Variants in ELMO1 observed in about 807,000 individuals in gnomAD.
ELMO1 encodes engulfment and cell motility 1, also known as engulfment and cell motility protein 1.
In ELMO1, 26 loss-of-function variants were observed where a neutral mutation model predicts 98.9. The ratio of observed to expected loss-of-function variants is 0.26; its 90% CI spans 0.19 to 0.36. The LOEUF is 0.36. Ranked by LOEUF, ELMO1 falls within the 10% of genes least tolerant of loss-of-function variation. The probability of loss-of-function intolerance (pLI) is 1.00; values close to 1 mark genes in which losing one functional copy is unlikely to be tolerated. For missense variants in ELMO1, 627 were observed against 935.2 expected, an observed-to-expected ratio of 0.67 and a Z score of 4.30; for synonymous variants, 346 against 346.0, an observed-to-expected ratio of 1.00 and a Z score of 0.00.
chr7:37,276,636 T>G (rs1796851812), intron 4 of ELMO1, among the ~76,000 whole-genome samples: 1 of 152,046 alleles, frequency 6.6e-6, no homozygotes, highest in African/African-American at 2.4e-5. Flanking sequence ...ATAAAACACA[T>G]AAAAAGCACA....
At chr7:37,360,129 G>A (rs1801645136) in intron 1 of ELMO1, among the ~76,000 whole-genome samples, 1 of 152,122 alleles carries the variant, frequency 6.6e-6, no homozygotes, top group Non-Finnish European at 1.5e-5. Context: ...TGTGTGAGTT[G>A]AATATACTCT....
chr7:37,310,872 A>C (rs917722357), intron 4 of ELMO1, among the ~76,000 whole-genome samples: 1 of 152,192 alleles, frequency 6.6e-6, no homozygotes, highest in African/African-American at 2.4e-5. Context: ...TAAAATGAAG[A>C]CACCAATACC....
chr7:36,984,852 T>C (rs1259738478), intron 16 of ELMO1: 3 of 948,550 alleles, frequency 3.2e-6, no homozygotes, highest in Non-Finnish European at 3.8e-6. Flanking sequence ...GAAAAGATCT[T>C]AGGCAGAGAT....
chr7:37,100,306 T>A lies in ELMO1; in HGVS notation c.1192-3579A>T, dbSNP rs116237085. Among the ~76,000 whole-genome samples, 740 of 152,324 alleles carry A rather than the reference T, an allele frequency of 4.9e-3. 1 individual carries two copies. Among genetic ancestry groups the A allele is most frequent in the African/African-American group, 0.017 (707 of 41,578 alleles). The stretch of plus-strand genomic sequence containing the variant: ...GAAGATGACAATTCCTCATGGTGAG[T>A]GACCAAAGCTGCTGCAGTGTCCCCA... On this transcript the variant is annotated intron_variant, in intron 14 of 21. Coordinates refer to ENST00000310758, the MANE Select transcript of ELMO1 (RefSeq NM_014800.11).
Position 37,259,280 on chromosome 7 carries a change from T to C in ELMO1, c.314A>G (p.Lys105Arg), listed in dbSNP as rs756664773. Residue 105 changes from lysine to arginine, a missense_variant, in exon 6 of 22, where the codon AAG becomes AGG. Coordinates refer to ENST00000310758, the MANE Select transcript of ELMO1 (RefSeq NM_014800.11). ...ATCCCGGGAGAGGCTGGCCAAGTCC[T>C]TCAGGGCTTCCAGCTTGGCATCCAT... Reference protein sequence around the residue: ...SSMDAKLEALKDLASLSRDVT... With the variant: ...SSMDAKLEALRDLASLSRDVT... 1 of 1,614,158 alleles carries C rather than the reference T, an allele frequency of 6.2e-7. No individual in the cohort carries two copies. The highest frequency in any genetic ancestry group is 8.5e-7 in the Non-Finnish European group (1 of 1,180,018).
chr7:36,981,960 C>T (rs1584474046), intron 16 of ELMO1, among the ~76,000 whole-genome samples: 1 of 152,258 alleles, frequency 6.6e-6, no homozygotes, highest in African/African-American at 2.4e-5. Context: ...AAGTTACTGG[C>T]CTAGTGTGCA....
chr7:36,864,766 T>C (rs79165160), intron 20 of ELMO1, among the ~76,000 whole-genome samples: 5,934 of 152,310 alleles, frequency 0.039, 278 homozygotes, highest in East Asian at 0.24. Flanking sequence ...ACATCGAATG[T>C]TCAGGGGCTT....
chr7:36,981,853 A>G (rs996023912), intron 16 of ELMO1, among the ~76,000 whole-genome samples: 2 of 152,254 alleles, frequency 1.3e-5, no homozygotes. Flanking sequence ...GTTTGTGAAT[A>G]CTAACATTCT....
chr7:37,161,936 G>T (rs867626177), intron 13 of ELMO1, among the ~76,000 whole-genome samples: 7 of 32,210 alleles, frequency 2.2e-4, no homozygotes, highest in South Asian at 1.2e-3. Flanking sequence ...ATATATATAT[G>T]TTAAGCGTGA....
chr7:36,903,737 A>G (rs1252793378), intron 16 of ELMO1, among the ~76,000 whole-genome samples: 2 of 152,224 alleles, frequency 1.3e-5, no homozygotes, highest in African/African-American at 2.4e-5. Context: ...AGTTCCAGCG[A>G]AAAGGGAGAA....
At position 36,949,477 on chromosome 7, in the gene ELMO1, G is replaced by T. The variant is rs541149018; in HGVS notation, c.1438-54460C>A. 1.3e-5 allele frequency among the ~76,000 whole-genome samples: 2 copies of T among 151,848 alleles called. 1 individual carries two copies. Among genetic ancestry groups the T allele is most frequent in the South Asian group, 4.2e-4 (2 of 4,778 alleles). On this transcript the variant is annotated intron_variant, in intron 16 of 21. Transcript: ENST00000310758. ...AATGTGCATGGCCACACCCTCTCTC[G>T]GTGGCAGACATCAGACCAGGTTCTC...
intron 4 of ELMO1, among the ~76,000 whole-genome samples, chr7:37,281,219 G>A (rs1797120517): frequency 6.6e-6 from 1 of 151,620 alleles, no homozygotes; most frequent in African/African-American, 2.4e-5. Flanking sequence ...ATGGACTGTG[G>A]GGACTTGGGG....
At chr7:36,972,767 T>C (rs927020015) in intron 16 of ELMO1, among the ~76,000 whole-genome samples, 10 of 152,228 alleles carry the variant, frequency 6.6e-5, no homozygotes, top group African/African-American at 2.2e-4. Flanking sequence ...TATATCTATA[T>C]AACTATATCT....
intron 13 of ELMO1, among the ~76,000 whole-genome samples, chr7:37,148,106 C>A (rs373901272): frequency 6.6e-6 from 1 of 152,160 alleles, no homozygotes; most frequent in African/African-American, 2.4e-5. Flanking sequence ...CCACTAGATG[C>A]CTTGCAACCC....
upstream of ELMO1, chr7:37,449,151 A>G (rs1370355064): frequency 6.6e-6 from 1 of 152,312 alleles, no homozygotes; most frequent in Admixed American, 6.5e-5. Context: ...TAAAAGACAG[A>G]AATGTCAAAC....
chr7:37,365,821 G>A (rs1034900318), intron 1 of ELMO1, among the ~76,000 whole-genome samples: 7 of 152,156 alleles, frequency 4.6e-5, no homozygotes, highest in Non-Finnish European at 1.0e-4. Flanking sequence ...TATCATAAGC[G>A]CCATTCTCCC....
intron 1 of ELMO1, chr7:37,375,599 T>G: frequency 8.9e-7 from 1 of 1,124,306 alleles, no homozygotes; most frequent in Admixed American, 1.7e-5. Flanking sequence ...CCAAGAAGGA[T>G]GTCCCCCATG....
intron 10 of ELMO1, among the ~76,000 whole-genome samples, chr7:37,219,693 A>C (rs1793487852): frequency 6.6e-6 from 1 of 152,232 alleles, no homozygotes; most frequent in Non-Finnish European, 1.5e-5. Flanking sequence ...AGCAGGGATA[A>C]GGTTGAGACT....
chr7:37,094,115 G>A (rs1382316314), intron 15 of ELMO1, among the ~76,000 whole-genome samples: 3 of 152,134 alleles, frequency 2.0e-5, no homozygotes, highest in Non-Finnish European at 4.4e-5. Context: ...GTAAGTACTG[G>A]ATAGATTTTC....
Sources: gnomAD v4.1 joint callset for allele counts (sites outside exome capture counted in the v4.1 genomes callset) on GRCh38, gnomAD v4.1.1 for gene constraint, MANE v1.5 for transcripts, NCBI Gene and HGNC (gene_info 2026-07-23, HGNC 2026-07-21) for gene names.